Variants in PAFAH1B2 observed in about 807,000 individuals in gnomAD.
PAFAH1B2 encodes the protein platelet-activating factor acetylhydrolase IB subunit alpha2.
PAFAH1B2 carries 8 observed loss-of-function variants against 28.0 expected under a neutral mutation model. The ratio of observed to expected loss-of-function variants is 0.29; its 90% confidence interval spans 0.17 to 0.52. The LOEUF is 0.52. PAFAH1B2 is among the 20% of genes least tolerant of loss of function. The pLI is 0.97. For missense variants in PAFAH1B2, 190 were observed against 282.6 expected (o/e 0.67, Z 2.35); for synonymous variants, 104 against 103.2 (o/e 1.01, Z -0.05).
chr11:117,168,769 A>ATT lies in PAFAH1B2; in HGVS notation c.*1077_*1078dup. 9.9e-7 allele frequency: 1 copy of ATT among 1,006,700 alleles called. No individual in the cohort carries two copies. Among genetic ancestry groups the ATT allele is most frequent in the Non-Finnish European group, 1.2e-6 (1 of 831,084 alleles). 62.4% of individuals were successfully genotyped at this position (1,006,700 alleles called of 1,614,324 possible). ...TATAATATCTTAAGGTGTATATTTT[A>ATT]TTTTTTTTATTGGCTTAGTTGTTTT... On this transcript the variant is annotated 3_prime_UTR_variant, in exon 6 of 6. Coordinates refer to ENST00000527958, the MANE Select transcript of PAFAH1B2 (RefSeq NM_002572.4).
downstream of PAFAH1B2, chr11:117,171,697 G>A (rs762229887): frequency 3.8e-5 from 58 of 1,535,436 alleles, no homozygotes; most frequent in South Asian, 3.6e-4. Flanking sequence ...CTGGTCGATC[G>A]GGACCTATCC....
At chr11:117,144,557 TG>T (rs1215631008) in intron 1 of PAFAH1B2, 139 bp downstream of exon 1, 8 of 172,056 alleles carry the variant, frequency 4.6e-5, no homozygotes, top group African/African-American at 1.4e-4. Flanking sequence ...CCCATCCACT[TG>T]GGGGGGGCCT....
chr11:117,171,093 A>G (rs994438118), downstream of PAFAH1B2: 127 of 1,013,408 alleles, frequency 1.3e-4, no homozygotes, highest in Admixed American at 2.9e-4. Flanking sequence ...GATTCTAATG[A>G]AAAAAAGGGA....
intron 3 of PAFAH1B2, among the ~76,000 whole-genome samples, chr11:117,160,468 T>G (rs923174643): frequency 2.1e-4 from 32 of 152,160 alleles, no homozygotes; most frequent in Non-Finnish European, 2.8e-4. Context: ...CATGGGAAAT[T>G]TATTAGTTTT....
At position 117,144,399 on chromosome 11, in the gene PAFAH1B2, C is replaced by G. The variant is rs1285266472; in HGVS notation, c.-27C>G. The G allele has an allele frequency of 4.9e-6, 2 of 405,346 alleles. No homozygotes were observed. The highest frequency in any genetic ancestry group is 1.0e-5 in the Non-Finnish European group (2 of 197,822). 25.1% of individuals were successfully genotyped at this position (405,346 alleles called of 1,614,324 possible). A position where few individuals can be genotyped will look rare whatever the true frequency, so the allele number is the denominator to read the frequency against. ...GCCGACGCCTCAGCCGCTTGGGGCCCGCACGGACCCTCTACTTCAGTGAGT... is the reference window on the plus strand; with the variant it reads ...GCCGACGCCTCAGCCGCTTGGGGCCGGCACGGACCCTCTACTTCAGTGAGT... On this transcript the variant is annotated 5_prime_UTR_variant, in exon 1 of 6. Coordinates refer to ENST00000527958, the MANE Select transcript of PAFAH1B2 (RefSeq NM_002572.4).
At chr11:117,159,264 G>T (rs1591743424) in intron 2 of PAFAH1B2, 1 of 152,116 alleles carries the variant, frequency 6.6e-6, no homozygotes, top group Non-Finnish European at 1.5e-5. Flanking sequence ...GTACTAGAAT[G>T]CTCTGTATGG....
intron 3 of PAFAH1B2, among the ~76,000 whole-genome samples, chr11:117,160,841 C>T (rs546323603): frequency 2.0e-5 from 3 of 151,952 alleles, no homozygotes; most frequent in African/African-American, 7.2e-5. Context: ...TCTACTTCAC[C>T]CTGTTTCTGT....
chr11:117,162,443 T>G (rs1232197312), intron 4 of PAFAH1B2, among the ~76,000 whole-genome samples: 1 of 91,790 alleles, frequency 1.1e-5, no homozygotes, highest in Non-Finnish European at 2.4e-5. Context: ...CATGCGAGAC[T>G]GTGATTTTTT....
Position 117,150,963 on chromosome 11 carries a change from C to T in PAFAH1B2, c.-7-1478C>T, listed in dbSNP as rs796200090. On this transcript the variant is annotated intron_variant, in intron 1 of 5. Transcript: ENST00000527958. ...AGATTGCGCCACTGCACTCCAGCCT[C>T]GGTGACAGAGCAAGACTCCATCTCA... 2.0e-4 allele frequency among the ~76,000 whole-genome samples: 29 copies of T among 147,438 alleles called. 1 individual carries two copies. The highest frequency in any genetic ancestry group is 7.0e-4 in the African/African-American group (28 of 39,972).
At chr11:117,147,256 G>T (rs942061585) in intron 1 of PAFAH1B2, among the ~76,000 whole-genome samples, 4 of 152,108 alleles carry the variant, frequency 2.6e-5, no homozygotes, top group Non-Finnish European at 5.9e-5. Flanking sequence ...CAACGGGAGC[G>T]AAACTCTGTC....
At chr11:117,154,980 G>GGTTTT (rs967407231) in intron 2 of PAFAH1B2, among the ~76,000 whole-genome samples, 1 of 152,014 alleles carries the variant, frequency 6.6e-6, no homozygotes, top group Non-Finnish European at 1.5e-5. Flanking sequence ...GTAATAAAAA[G>GGTTTT]GTTTTGTTTT....
chr11:117,152,375 T>C, intron 1 of PAFAH1B2, 66 bp from the exon 2 acceptor site: 1 of 914,082 alleles, frequency 1.1e-6, no homozygotes, highest in Non-Finnish European at 1.8e-6. Context: ...CTGATGTGTA[T>C]AATATTTAAG....
At chr11:117,160,195 C>T (rs748087027) in intron 3 of PAFAH1B2, among the ~76,000 whole-genome samples, 172 bp downstream of exon 3, 1 of 152,198 alleles carries the variant, frequency 6.6e-6, no homozygotes, top group Non-Finnish European at 1.5e-5. Context: ...TTTCTTTTAA[C>T]TTGGCCATGT....
exon 6 of PAFAH1B2, chr11:117,176,766 A>G (rs968911482): frequency 6.6e-6 from 1 of 151,896 alleles, no homozygotes; most frequent in African/African-American, 2.4e-5. Context: ...AGTCCCAGCT[A>G]CTTGGGAGGC....
chr11:117,175,638 C>T, downstream of PAFAH1B2: 4 of 1,250,388 alleles, frequency 3.2e-6, no homozygotes, highest in Non-Finnish European at 4.0e-6. Context: ...TCTCAAACTT[C>T]ATTGTGCATA....
At chr11:117,157,257 GT>G (rs903936400) in intron 2 of PAFAH1B2, among the ~76,000 whole-genome samples, 18 of 151,642 alleles carry the variant, frequency 1.2e-4, no homozygotes, top group African/African-American at 4.1e-4. Context: ...GAGAGGAAGT[GT>G]TTTGTTTTCT....
At chr11:117,167,074 A>T (rs1591753181) in intron 5 of PAFAH1B2, among the ~76,000 whole-genome samples, 1 of 152,184 alleles carries the variant, frequency 6.6e-6, no homozygotes, top group South Asian at 2.1e-4. Context: ...TTGCTTTTGG[A>T]TCAGTTGGGA....
At chr11:117,172,595 T>C (rs1956697897), downstream of PAFAH1B2, among the ~76,000 whole-genome samples, 1 of 152,010 alleles carries the variant, frequency 6.6e-6, no homozygotes, top group Non-Finnish European at 1.5e-5. Flanking sequence ...CCTTCCACCC[T>C]TTACTTTGAA....
downstream of PAFAH1B2, among the ~76,000 whole-genome samples, chr11:117,174,164 T>G (rs866918344): frequency 9.3e-4 from 129 of 138,916 alleles, no homozygotes; most frequent in African/African-American, 2.8e-3. Flanking sequence ...TTCATGTCTT[T>G]TGTGTGTGTG....
Sources: gnomAD v4.1 joint callset for allele counts (sites outside exome capture counted in the v4.1 genomes callset) on GRCh38, gnomAD v4.1.1 for gene constraint, MANE v1.5 for transcripts, NCBI Gene and HGNC (gene_info 2026-07-23, HGNC 2026-07-21) for gene names.